FMO1: variants seen among roughly 807,000 people sequenced by gnomAD.
The protein encoded by FMO1 is flavin containing dimethylaniline monoxygenase 1, also known as flavin-containing monooxygenase 1.
A neutral mutation model predicts 45.4 loss-of-function variants in FMO1; 36 were observed. The observed-to-expected ratio is 0.79, with a 90% confidence interval of 0.61 to 1.05. The LOEUF (loss-of-function observed/expected upper bound fraction) is 1.05. FMO1 is among the 50% of genes least tolerant of loss of function. The pLI is 0.00. For missense variants in FMO1, 615 were observed against 640.3 expected, an observed-to-expected ratio of 0.96 and a Z score of 0.43; for synonymous variants, 228 against 227.2, an observed-to-expected ratio of 1.00 and a Z score of -0.03.
At chr1:171,281,717 A>C (rs28360417) in intron 6 of FMO1, among the ~76,000 whole-genome samples, 4,223 of 152,302 alleles carry the variant, frequency 0.028, 196 homozygotes, top group African/African-American at 0.095. Flanking sequence ...GAATGCTAAA[A>C]ATCAGCAAGA....
chr1:171,250,044 T>C (rs1396441959), intron 1 of FMO1, among the ~76,000 whole-genome samples: 1 of 152,200 alleles, frequency 6.6e-6, no homozygotes, highest in Non-Finnish European at 1.5e-5. Context: ...GTTTCTCCTA[T>C]TAAGTAGACA....
chr1:171,283,484 A>G (rs1488068751), intron 8 of FMO1, among the ~76,000 whole-genome samples: 1 of 152,012 alleles, frequency 6.6e-6, no homozygotes, highest in Non-Finnish European at 1.5e-5. Flanking sequence ...CTAGTATCAC[A>G]TAGAGTTTGG....
rs756832079 is a variant in FMO1 at position 171,280,811 on chromosome 1, G to A, written c.653G>A (p.Gly218Glu). 4 of 1,612,966 alleles carry A rather than the reference G, an allele frequency of 2.5e-6. No individual in the cohort carries two copies. The highest frequency in any genetic ancestry group is 1.7e-5 in the Admixed American group (1 of 59,970). ...GTGTTCCTCAGCACCACCGGAGGGG[G>A]ATGGGTGATCAGCCGAATCTTTGAC... ...EKVFLSTTGG[G>E]WVISRIFDSG... The change falls in exon 6 of 9, where the codon GGA becomes GAA. Residue 218 changes from glycine (G) to glutamate (E), a missense_variant. Coordinates refer to ENST00000617670, the MANE Select transcript of FMO1 (RefSeq NM_001282693.2).
rs777570410 is a variant in FMO1, at chr1:171,283,216, G to C, written c.1256G>C (p.Trp419Ser). The C allele has an allele frequency of 1.6e-6, 2 of 1,220,608 alleles. No homozygotes were observed. Among genetic ancestry groups the C allele is most frequent in the Non-Finnish European group, 2.2e-6 (2 of 912,988 alleles). 75.6% of individuals were successfully genotyped at this position (1,220,608 alleles called of 1,614,324 possible). A position where few individuals can be genotyped will look rare whatever the true frequency, so the allele number is the denominator to read the frequency against. Residue 419 changes from tryptophan to serine, a missense_variant and splice_region_variant, in exon 8 of 9, where the codon TGG becomes TCG. Coordinates refer to ENST00000617670, the MANE Select transcript of FMO1 (RefSeq NM_001282693.2). Reference sequence around the variant, plus strand: ...GCAAGGAAAGAAAACAAGCCCAGTTGGTAAGTTAACTACTTAATGCACCCT... The same window carrying C: ...GCAAGGAAAGAAAACAAGCCCAGTTCGTAAGTTAACTACTTAATGCACCCT... ...INARKENKPS[W>S]FGLCYCKALQ...
In FMO1 at chr1:171,285,611, C is replaced by T. The variant is rs1661598546; in HGVS notation, c.*67C>T. On this transcript the variant is annotated 3_prime_UTR_variant, in exon 9 of 9. Transcript: ENST00000617670. ...CAATGCTCCAATTCCTCTCTTACAGCAATATTGCCTTCACAGTTATAAACT... is the reference window on the plus strand; with the variant it reads ...CAATGCTCCAATTCCTCTCTTACAGTAATATTGCCTTCACAGTTATAAACT... 3 of 975,636 alleles carry T rather than the reference C, an allele frequency of 3.1e-6. No homozygotes were observed. The highest frequency in any genetic ancestry group is 4.5e-6 in the Non-Finnish European group (3 of 663,064). 60.4% of individuals were successfully genotyped at this position (975,636 alleles called of 1,614,324 possible).
Position 171,267,693 on chromosome 1 carries a change from G to A in FMO1, c.283G>A (p.Ala95Thr). Residue 95 changes from alanine (A) to threonine (T), a missense_variant, in exon 3 of 9, where the codon GCA becomes ACA. Physicochemically the swap from Ala to Thr is moderately conservative, Grantham distance 58. Transcript: ENST00000617670. Reference protein sequence around the residue: ...SQFLEYLKMYANHFDLLKHIQ... With the variant: ...SQFLEYLKMYTNHFDLLKHIQ... ...ATTCCTGGAATATCTCAAAATGTAT[G>A]CAAACCACTTTGACCTTCTGAAACA... 2 of 1,613,398 alleles carry A rather than the reference G, an allele frequency of 1.2e-6. No homozygotes were observed. Among genetic ancestry groups the A allele is most frequent in the East Asian group, 2.2e-5 (1 of 44,876 alleles).
chr1:171,252,569 T>C (rs957834405), intron 1 of FMO1, among the ~76,000 whole-genome samples: 2 of 152,216 alleles, frequency 1.3e-5, no homozygotes, highest in African/African-American at 4.8e-5. Flanking sequence ...ATCCATTCCA[T>C]GGCTGAGAGT....
intron 2 of FMO1, among the ~76,000 whole-genome samples, chr1:171,259,378 A>G (rs985565608): frequency 1.3e-5 from 2 of 152,218 alleles, no homozygotes; most frequent in African/African-American, 4.8e-5. Context: ...AGGACAAGGT[A>G]AAAGAGCATG....
intron 1 of FMO1, among the ~76,000 whole-genome samples, chr1:171,256,089 T>C (rs552924614): frequency 6.6e-6 from 1 of 151,940 alleles, no homozygotes; most frequent in African/African-American, 2.4e-5. Flanking sequence ...CTGGCTAACA[T>C]GGTGAAACCC....
intron 1 of FMO1, among the ~76,000 whole-genome samples, chr1:171,248,848 A>G (rs1489853883): frequency 1.3e-5 from 2 of 150,980 alleles, no homozygotes; most frequent in African/African-American, 2.4e-5. Flanking sequence ...CCACTTAATA[A>G]TCTACCCAGC....
chr1:171,258,614 C>A (rs1267535691), intron 2 of FMO1, among the ~76,000 whole-genome samples: 1 of 152,198 alleles, frequency 6.6e-6, no homozygotes, highest in African/African-American at 2.4e-5. Context: ...CAAGACTGAG[C>A]TGCTTTTACC....
chr1:171,271,071 C>CT, intron 3 of FMO1: 2 of 967,306 alleles, frequency 2.1e-6, no homozygotes, highest in Middle Eastern at 3.1e-4. Context: ...TGATAAATCC[C>CT]TTTTTTGCTG....
In FMO1 at chr1:171,280,799, C is replaced by G; in HGVS notation, c.641C>G (p.Thr214Ser). 1 of 1,612,476 alleles carries G rather than the reference C, an allele frequency of 6.2e-7. No homozygotes were observed. The highest frequency in any genetic ancestry group is 8.5e-7 in the Non-Finnish European group (1 of 1,179,576). The stretch of plus-strand genomic sequence containing the variant: ...GATTGCTTCCAGGTGTTCCTCAGCA[C>G]CACCGGAGGGGGATGGGTGATCAGC... The part of the protein sequence containing the change: ...SHLAEKVFLS[T>S]TGGGWVISRI... The change falls in exon 6 of 9, where the codon ACC becomes AGC. Residue 214 changes from threonine to serine, a missense_variant. Coordinates refer to ENST00000617670, the MANE Select transcript of FMO1 (RefSeq NM_001282693.2).
chr1:171,282,241 C>A lies in FMO1; in HGVS notation c.1091C>A (p.Pro364Gln). The A allele has an allele frequency of 6.2e-7, 1 of 1,614,012 alleles. No individual in the cohort carries two copies. ...ATCTTCCCTGCACATCTGCAAAAGC[C>A]AACCCTGGCCATTATTGGCCTCATC... is the stretch of plus-strand genomic sequence containing the variant. ...KYIFPAHLQKPTLAIIGLIKP... is the reference protein window; with the variant it reads ...KYIFPAHLQKQTLAIIGLIKP... Residue 364 changes from proline (P) to glutamine (Q), a missense_variant, in exon 7 of 9, where the codon CCA (proline) becomes CAA (glutamine). Pro to Gln is a moderately conservative substitution (Grantham distance 76). Transcript: ENST00000617670.
At chr1:171,276,650 G>C (rs1000882863) in intron 4 of FMO1, among the ~76,000 whole-genome samples, 7 of 152,148 alleles carry the variant, frequency 4.6e-5, no homozygotes, top group African/African-American at 1.4e-4. Flanking sequence ...GAATATAGAG[G>C]TGAATAAGGC....
At chr1:171,276,274 C>A (rs1661103289) in intron 4 of FMO1, among the ~76,000 whole-genome samples, 1 of 152,106 alleles carries the variant, frequency 6.6e-6, no homozygotes, top group African/African-American at 2.4e-5. Flanking sequence ...CTGGATCTGC[C>A]CCCAGAGGTC....
At chr1:171,260,654 G>A (rs980069582) in intron 2 of FMO1, among the ~76,000 whole-genome samples, 2 of 152,126 alleles carry the variant, frequency 1.3e-5, no homozygotes, top group African/African-American at 4.8e-5. Flanking sequence ...AGGTCAGCCA[G>A]GCACGGTGGC....
chr1:171,263,293 G>C (rs1368888431), intron 2 of FMO1, among the ~76,000 whole-genome samples: 1 of 152,144 alleles, frequency 6.6e-6, no homozygotes, highest in South Asian at 2.1e-4. Flanking sequence ...TCTCCTAGGG[G>C]CTATGTAATA....
At chr1:171,275,238 A>G (rs116833872) in intron 3 of FMO1, 108 bp from the exon 4 acceptor site, 105 of 817,456 alleles carry the variant, frequency 1.3e-4, no homozygotes, top group Non-Finnish European at 1.8e-4. Context: ...CTTATTAATT[A>G]TGTTTATTCT....
Sources: gnomAD v4.1 joint callset for allele counts (sites outside exome capture counted in the v4.1 genomes callset) on GRCh38, gnomAD v4.1.1 for gene constraint, MANE v1.5 for transcripts, NCBI Gene and HGNC (gene_info 2026-07-23, HGNC 2026-07-21) for gene names.